Variants in SLC14A2 observed in about 807,000 individuals in gnomAD.
The protein encoded by SLC14A2 is solute carrier family 14 member 2, also known as urea transporter 2.
A neutral mutation model predicts 104.6 loss-of-function variants in SLC14A2; 91 were observed. The ratio of observed to expected loss-of-function variants is 0.87; its 90% CI spans 0.73 to 1.04. The LOEUF (loss-of-function observed/expected upper bound fraction) is 1.04, where lower values mean the gene tolerates loss of function less well. SLC14A2 is among the 50% of genes least tolerant of loss of function. The probability of loss-of-function intolerance (pLI) is 0.00; values close to 1 mark genes in which losing one functional copy is unlikely to be tolerated. For synonymous variants in SLC14A2, 476 were observed against 466.4 expected (o/e 1.02, Z -0.27); for missense variants, 1,189 against 1,156.0 (o/e 1.03, Z -0.41).
At chr18:45,624,272 C>T (rs1029947585) in intron 1 of SLC14A2, among the ~76,000 whole-genome samples, 8 of 152,066 alleles carry the variant, frequency 5.3e-5, no homozygotes, top group South Asian at 4.1e-4. Flanking sequence ...TCTGTGTGTA[C>T]GTATCAAGGG....
the SLC14A2 span, among the ~76,000 whole-genome samples, chr18:45,194,284 G>T: frequency 6.6e-6 from 1 of 152,138 alleles, no homozygotes; most frequent in East Asian, 1.9e-4. Context: ...TGATCCTAGG[G>T]AGAAAGCCTT....
chr18:45,585,784 C>A (rs948909319), intron 2 of SLC14A2, among the ~76,000 whole-genome samples: 1 of 152,182 alleles, frequency 6.6e-6, no homozygotes, highest in Non-Finnish European at 1.5e-5. Flanking sequence ...CCCCTTCTCC[C>A]TCTGCATGAG....
intron 2 of SLC14A2, among the ~76,000 whole-genome samples, chr18:45,583,656 G>A (rs1176249001): frequency 6.6e-6 from 1 of 152,004 alleles, no homozygotes; most frequent in African/African-American, 2.4e-5. Context: ...TGCACATCCA[G>A]ATAAGAAATC....
At chr18:45,551,232 A>G (rs1285463259) in intron 2 of SLC14A2, among the ~76,000 whole-genome samples, 1 of 152,210 alleles carries the variant, frequency 6.6e-6, no homozygotes, top group Non-Finnish European at 1.5e-5. Context: ...TTTAAAAAAA[A>G]GAACTCCAGA....
intron 1 of SLC14A2, among the ~76,000 whole-genome samples, chr18:45,242,429 C>T (rs1274160159): frequency 6.6e-6 from 1 of 152,148 alleles, no homozygotes; most frequent in African/African-American, 2.4e-5. Context: ...AGGGAAAACT[C>T]GATTGCTCCA....
At chr18:45,513,639 A>G (rs1168432007) in intron 2 of SLC14A2, among the ~76,000 whole-genome samples, 1 of 152,150 alleles carries the variant, frequency 6.6e-6, no homozygotes, top group Non-Finnish European at 1.5e-5. Context: ...TTATCCATAT[A>G]TACATAAAGA....
chr18:45,309,532 C>T (rs1055721430), intron 1 of SLC14A2, among the ~76,000 whole-genome samples: 1 of 151,108 alleles, frequency 6.6e-6, no homozygotes, highest in Non-Finnish European at 1.5e-5. Flanking sequence ...GTGGATGAAA[C>T]AATGTGTTCA....
chr18:45,424,683 C>G (rs910209746), intron 1 of SLC14A2, among the ~76,000 whole-genome samples: 9 of 152,190 alleles, frequency 5.9e-5, no homozygotes, highest in Admixed American at 6.5e-5. Context: ...TCTATTATAA[C>G]GTGTTTACAA....
rs145778761 is a variant in SLC14A2 at position 45,605,535 on chromosome 18, A to G, written c.-34-19096A>G. On this transcript the variant is annotated intron_variant, in intron 2 of 20. Coordinates refer to the SLC14A2 transcript ENST00000586448. Reference sequence around the variant, plus strand: ...ATTAGATCATTATTCTGATTGCGGTAAGAAGAATGGACTGTGGAGGATGCA... The same window carrying G: ...ATTAGATCATTATTCTGATTGCGGTGAGAAGAATGGACTGTGGAGGATGCA... Among the ~76,000 whole-genome samples, 67 of 152,328 alleles carry G rather than the reference A, an allele frequency of 4.4e-4. No individual in the cohort carries two copies. In the East Asian group the frequency reaches 0.012, roughly 27 times the overall value.
intron 1 of SLC14A2, among the ~76,000 whole-genome samples, chr18:45,352,052 T>C (rs1393038187): frequency 1.3e-5 from 2 of 152,040 alleles, no homozygotes; most frequent in African/African-American, 4.8e-5. Flanking sequence ...TATGAGGAAG[T>C]CGTGGACAGG....
At chr18:45,572,974 T>TA (rs1368124440) in intron 2 of SLC14A2, among the ~76,000 whole-genome samples, 2 of 152,136 alleles carry the variant, frequency 1.3e-5, no homozygotes, top group Non-Finnish European at 2.9e-5. Context: ...TGTTGGCAGT[T>TA]AAAAAACCAA....
chr18:45,340,040 G>A (rs375972672), intron 1 of SLC14A2, among the ~76,000 whole-genome samples: 1 of 152,222 alleles, frequency 6.6e-6, no homozygotes, highest in South Asian at 2.1e-4. Context: ...CCTGGGCACA[G>A]AAAAGAGTCC....
At chr18:45,192,603 A>T in the SLC14A2 span, among the ~76,000 whole-genome samples, 1 of 134,804 alleles carries the variant, frequency 7.4e-6, no homozygotes, top group Non-Finnish European at 1.6e-5. Flanking sequence ...TCTAACAGGC[A>T]GGTAGTGGTT....
intron 1 of SLC14A2, among the ~76,000 whole-genome samples, chr18:45,225,712 G>T (rs1168586575): frequency 6.6e-6 from 1 of 152,156 alleles, no homozygotes; most frequent in Admixed American, 6.5e-5. Flanking sequence ...CACATCCCTT[G>T]TAAGTTGGAT....
intron 2 of SLC14A2, among the ~76,000 whole-genome samples, chr18:45,567,361 G>T (rs1407989937): frequency 3.3e-5 from 5 of 152,052 alleles, no homozygotes; most frequent in African/African-American, 4.8e-5. Flanking sequence ...GCCTGCATTT[G>T]ACCTCCCTAC....
chr18:45,267,302 T>C (rs929127885), intron 1 of SLC14A2, among the ~76,000 whole-genome samples: 34 of 152,130 alleles, frequency 2.2e-4, no homozygotes, highest in African/African-American at 7.7e-4. Flanking sequence ...AGTTCAGACC[T>C]CTTAGTCTCC....
intron 1 of SLC14A2, among the ~76,000 whole-genome samples, chr18:45,337,402 C>T (rs537868331): frequency 6.6e-6 from 1 of 152,306 alleles, no homozygotes; most frequent in East Asian, 1.9e-4. Flanking sequence ...GTTAGCCCTC[C>T]ATGTAGTACT....
In SLC14A2 at chr18:45,678,898, G is replaced by A; in HGVS notation, c.2513-77G>A. 4.6e-6 allele frequency: 6 copies of A among 1,307,180 alleles called. No individual in the cohort carries two copies. In the South Asian group the frequency reaches 5.5e-5, roughly 12 times the overall value. 81.0% of individuals were successfully genotyped at this position (1,307,180 alleles called of 1,614,324 possible). A position where few individuals can be genotyped will look rare whatever the true frequency, so the allele number is the denominator to read the frequency against. ...ATTTGTGGCATAAAATTGATGGGAA[G>A]AGAATATGTAGAGCAATCTTGAGGT... On this transcript the variant is annotated intron_variant, in intron 18 of 19. Coordinates refer to ENST00000255226, the MANE Select transcript of SLC14A2 (RefSeq NM_007163.4).
At chr18:45,473,336 C>T (rs1342570785) in intron 1 of SLC14A2, among the ~76,000 whole-genome samples, 2 of 152,166 alleles carry the variant, frequency 1.3e-5, no homozygotes, top group Non-Finnish European at 2.9e-5. Flanking sequence ...GTTCTTTTTG[C>T]TTAGGATTGT....
Sources: gnomAD v4.1 joint callset for allele counts (sites outside exome capture counted in the v4.1 genomes callset) on GRCh38, gnomAD v4.1.1 for gene constraint, MANE v1.5 for transcripts, NCBI Gene and HGNC (gene_info 2026-07-23, HGNC 2026-07-21) for gene names.